CNTNAP2: variants seen among roughly 807,000 people sequenced by gnomAD.
CNTNAP2 encodes the protein contactin-associated protein-like 2.
In CNTNAP2, 98 loss-of-function variants were observed where a neutral mutation model predicts 155.2. That is an observed-to-expected ratio of 0.63 (90% CI 0.54 to 0.75). CNTNAP2 has a LOEUF of 0.75. Ranked by LOEUF, CNTNAP2 falls within the 30% of genes least tolerant of loss-of-function variation. The pLI, the probability that CNTNAP2 is intolerant of heterozygous loss-of-function variation, is 0.00. For synonymous variants in CNTNAP2, 651 were observed against 631.2 expected (o/e 1.03, Z -0.47); for missense variants, 1,727 against 1,688.1 (o/e 1.02, Z -0.40).
intron 13 of CNTNAP2, chr7:147,671,576 C>T (rs1286310234): frequency 2.6e-5 from 4 of 152,054 alleles, no homozygotes; most frequent in African/African-American, 9.7e-5. Context: ...TTATGAATTT[C>T]CTGAAAGTGG....
At chr7:146,381,140 T>C (rs1795381337) in intron 1 of CNTNAP2, among the ~76,000 whole-genome samples, 1 of 152,090 alleles carries the variant, frequency 6.6e-6, no homozygotes, top group Non-Finnish European at 1.5e-5. Context: ...ACTCTGGGCT[T>C]GACCATGTTT....
At chr7:148,400,666 C>T (rs1162609526) in intron 22 of CNTNAP2, among the ~76,000 whole-genome samples, 1 of 152,084 alleles carries the variant, frequency 6.6e-6, no homozygotes, top group Admixed American at 6.6e-5. Flanking sequence ...CTTGTAATAC[C>T]TAATACAACA....
chr7:146,881,391 A>G (rs901373343), intron 3 of CNTNAP2, among the ~76,000 whole-genome samples: 2 of 152,174 alleles, frequency 1.3e-5, no homozygotes, highest in African/African-American at 4.8e-5. Context: ...TTCATCAAAT[A>G]CAGTATCTTA....
chr7:148,352,001 C>T (rs753854704), intron 21 of CNTNAP2, among the ~76,000 whole-genome samples: 12 of 152,200 alleles, frequency 7.9e-5, no homozygotes, highest in Admixed American at 1.3e-4. Context: ...GGGGAAGAGA[C>T]GGCCTCTTCC....
intron 13 of CNTNAP2, among the ~76,000 whole-genome samples, chr7:147,647,927 G>A (rs1006705753): frequency 4.6e-5 from 7 of 152,176 alleles, no homozygotes; most frequent in African/African-American, 1.4e-4. Flanking sequence ...AGACATCCTA[G>A]AGAGGAAGCC....
chr7:146,907,337 A>C (rs1172115935), intron 3 of CNTNAP2, among the ~76,000 whole-genome samples: 2 of 145,924 alleles, frequency 1.4e-5, no homozygotes, highest in Admixed American at 1.4e-4. Context: ...CAACTCCAAG[A>C]CACATAATTG....
At position 147,362,325 on chromosome 7, in the gene CNTNAP2, A is replaced by G. The variant is rs370557187; in HGVS notation, c.1499-33284A>G. Among the ~76,000 whole-genome samples the G allele has an allele frequency of 2.9e-4, 44 of 152,196 alleles. 2 individuals are homozygous for G. Among genetic ancestry groups the G allele is most frequent in the African/African-American group, 1.1e-3 (44 of 41,536 alleles). On this transcript the variant is annotated intron_variant, in intron 9 of 23. Coordinates refer to ENST00000361727, the MANE Select transcript of CNTNAP2 (RefSeq NM_014141.6). The stretch of plus-strand genomic sequence containing the variant: ...TTTTCTCTTACTCTTAGTAGAGACA[A>G]GATCTCACTCTGTTGCCCAGGCTGG...
intron 1 of CNTNAP2, among the ~76,000 whole-genome samples, chr7:146,592,165 G>GA (rs1389974933): frequency 2.0e-5 from 3 of 152,164 alleles, no homozygotes; most frequent in African/African-American, 7.2e-5. Context: ...CAGTAGGATG[G>GA]AAAATCTCTG....
At chr7:147,422,140 T>TAC (rs1176657066) in intron 10 of CNTNAP2, among the ~76,000 whole-genome samples, 12 of 148,196 alleles carry the variant, frequency 8.1e-5, no homozygotes, top group African/African-American at 1.5e-4. Flanking sequence ...ACAGTATATA[T>TAC]ATATAGTATG....
chr7:147,684,036 CT>C lies in CNTNAP2; in HGVS notation c.2098+44734del, dbSNP rs1164953987. On this transcript the variant is annotated intron_variant, in intron 13 of 23. Transcript: ENST00000361727. ...AATTCCTGACAAAAACTTAAAACTG[CT>C]TTTACCCTGTCTGGTATACTATTAT... Among the ~76,000 whole-genome samples the C allele has an allele frequency of 2.0e-5, 3 of 151,734 alleles. No individual in the cohort carries two copies. The East Asian group carries it at 5.8e-4, about 29-fold the overall frequency.
chr7:146,721,896 T>A (rs1171821728), intron 1 of CNTNAP2, among the ~76,000 whole-genome samples: 2 of 119,020 alleles, frequency 1.7e-5, no homozygotes, highest in South Asian at 2.2e-4. Flanking sequence ...TATATTTTTT[T>A]TTTTTTTTTT....
chr7:147,476,787 G>GT (rs1282555455), intron 10 of CNTNAP2, among the ~76,000 whole-genome samples: 3 of 152,108 alleles, frequency 2.0e-5, no homozygotes, highest in African/African-American at 7.2e-5. Flanking sequence ...AATTAGCCAG[G>GT]TGTGGTGGCA....
intron 8 of CNTNAP2, among the ~76,000 whole-genome samples, chr7:147,149,999 C>T (rs1279459027): frequency 6.6e-6 from 1 of 152,152 alleles, no homozygotes; most frequent in Non-Finnish European, 1.5e-5. Flanking sequence ...TTATAGGTAA[C>T]AGTCCCTTTA....
At chr7:146,476,727 C>T (rs1197843849) in intron 1 of CNTNAP2, among the ~76,000 whole-genome samples, 1 of 152,040 alleles carries the variant, frequency 6.6e-6, no homozygotes, top group African/African-American at 2.4e-5. Flanking sequence ...ATCTAATAAA[C>T]ATTGAGACAA....
At chr7:147,414,430 A>G (rs1584934756) in intron 10 of CNTNAP2, among the ~76,000 whole-genome samples, 1 of 106,368 alleles carries the variant, frequency 9.4e-6, no homozygotes, top group South Asian at 3.6e-4. Context: ...TCTCAAAAAC[A>G]TTAAAAAAAA....
chr7:147,486,023 G>A lies in CNTNAP2; in HGVS notation c.1759G>A (p.Gly587Arg), dbSNP rs763583865. ...CACTTGTGATGAGACAGGATACAGTGGGGCCACCTGCCACAACTGTGAGTG... is the reference window on the plus strand; with the variant it reads ...CACTTGTGATGAGACAGGATACAGTAGGGCCACCTGCCACAACTGTGAGTG... ...KCTCDETGYS[G>R]ATCHNSIYEP... The change falls in exon 11 of 24, where the codon GGG becomes AGG. Residue 587 changes from glycine (G) to arginine (R), a missense_variant. Gly to Arg is a moderately radical substitution (Grantham distance 125). Coordinates refer to ENST00000361727, the MANE Select transcript of CNTNAP2 (RefSeq NM_014141.6). 6.2e-7 allele frequency: 1 copy of A among 1,613,842 alleles called. No homozygotes were observed.
chr7:146,156,649 C>G (rs1345388227), intron 1 of CNTNAP2, among the ~76,000 whole-genome samples: 1 of 152,088 alleles, frequency 6.6e-6, no homozygotes, highest in Non-Finnish European at 1.5e-5. Context: ...GTCACCAAGG[C>G]TGGAGTGCAG....
chr7:146,733,180 C>T (rs1045238337), intron 1 of CNTNAP2, among the ~76,000 whole-genome samples: 2 of 152,078 alleles, frequency 1.3e-5, no homozygotes, highest in Non-Finnish European at 2.9e-5. Context: ...CAAGAGCCCA[C>T]GGGAAATAGG....
At chr7:146,558,691 G>A (rs575182206) in intron 1 of CNTNAP2, among the ~76,000 whole-genome samples, 1 of 152,242 alleles carries the variant, frequency 6.6e-6, no homozygotes, top group South Asian at 2.1e-4. Flanking sequence ...GGTGGATACT[G>A]TATCTCTAAG....
Sources: allele counts gnomAD v4.1 joint callset (sites outside exome capture counted in the v4.1 genomes callset), GRCh38; gene constraint gnomAD v4.1.1; transcripts MANE v1.5; gene names NCBI Gene and HGNC (gene_info 2026-07-23, HGNC 2026-07-21).